The following ZNF385D variants were observed in gnomAD, a reference collection of about 807,000 sequenced individuals.
ZNF385D encodes zinc finger protein 385D.
A neutral mutation model predicts 35.8 loss-of-function variants in ZNF385D; 15 were observed. The ratio of observed to expected loss-of-function variants is 0.42; its 90% confidence interval spans 0.28 to 0.64. The LOEUF is 0.64. ZNF385D is among the 30% of genes least tolerant of loss of function. ZNF385D has a pLI of 0.23. For synonymous variants in ZNF385D, 212 were observed against 186.8 expected, an observed-to-expected ratio of 1.13 and a Z score of -1.10; for missense variants, 474 against 494.6, an observed-to-expected ratio of 0.96 and a Z score of 0.39.
At chr3:22,077,745 A>G (rs1700538330) in intron 3 of ZNF385D, among the ~76,000 whole-genome samples, 1 of 152,002 alleles carries the variant, frequency 6.6e-6, no homozygotes, top group Non-Finnish European at 1.5e-5. Flanking sequence ...CATAATTTCT[A>G]CCTTAGAAGC....
chr3:21,668,581 C>T (rs1305210973), intron 1 of ZNF385D, among the ~76,000 whole-genome samples: 2 of 152,168 alleles, frequency 1.3e-5, no homozygotes, highest in African/African-American at 4.8e-5. Flanking sequence ...AAAATAGATG[C>T]TTGCCTCCAA....
At chr3:21,864,990 CT>C (rs3073906) in intron 3 of ZNF385D, among the ~76,000 whole-genome samples, 9 of 112,156 alleles carry the variant, frequency 8.0e-5, no homozygotes, top group Admixed American at 2.1e-4. Context: ...TGGAACAATG[CT>C]TTTTTTTTTT....
intron 3 of ZNF385D, among the ~76,000 whole-genome samples, chr3:21,859,982 A>G (rs1696959570): frequency 6.6e-6 from 1 of 152,028 alleles, no homozygotes; most frequent in African/African-American, 2.4e-5. Flanking sequence ...TTTGACTTGA[A>G]AAGTATCAGA....
chr3:21,670,199 A>G (rs1459375002), intron 1 of ZNF385D, among the ~76,000 whole-genome samples: 1 of 152,052 alleles, frequency 6.6e-6, no homozygotes, highest in East Asian at 1.9e-4. Context: ...TTTCTATAGT[A>G]TCTTTAGTAT....
intron 2 of ZNF385D, among the ~76,000 whole-genome samples, chr3:22,202,952 T>A (rs180798311): frequency 1.3e-5 from 2 of 152,204 alleles, no homozygotes; most frequent in East Asian, 3.9e-4. Context: ...AATCTTGAAA[T>A]GCAATCTAAG....
chr3:22,370,066 C>A (rs1233257975), intron 2 of ZNF385D, among the ~76,000 whole-genome samples: 1 of 152,040 alleles, frequency 6.6e-6, no homozygotes, highest in Non-Finnish European at 1.5e-5. Context: ...TTTGATGCAC[C>A]TGGTAAATAG....
chr3:22,214,151 T>A (rs1350085858), intron 2 of ZNF385D, among the ~76,000 whole-genome samples: 3 of 152,082 alleles, frequency 2.0e-5, no homozygotes, highest in Non-Finnish European at 4.4e-5. Context: ...GTTCCTTAAA[T>A]TAATACTTTT....
At chr3:21,518,605 T>C (rs1438628821) in intron 3 of ZNF385D, among the ~76,000 whole-genome samples, 8 of 152,206 alleles carry the variant, frequency 5.3e-5, no homozygotes, top group Admixed American at 3.3e-4. Context: ...ATCCACTGTT[T>C]TATTTGCATT....
intron 3 of ZNF385D, among the ~76,000 whole-genome samples, chr3:22,119,857 T>C (rs1252268476): frequency 2.0e-5 from 3 of 152,106 alleles, no homozygotes; most frequent in Non-Finnish European, 4.4e-5. Flanking sequence ...TTTAATTTTT[T>C]CATTTTTTGA....
chr3:21,789,354 G>A (rs2071827228), intron 3 of ZNF385D, among the ~76,000 whole-genome samples: 1 of 152,172 alleles, frequency 6.6e-6, no homozygotes, highest in African/African-American at 2.4e-5. Flanking sequence ...GAAATATATA[G>A]GAGAATTCAA....
chr3:21,947,207 A>C (rs1446525870), intron 3 of ZNF385D, among the ~76,000 whole-genome samples: 1 of 152,200 alleles, frequency 6.6e-6, no homozygotes, highest in East Asian at 1.9e-4. Flanking sequence ...CACAGCATCA[A>C]ACTTATAAAT....
At chr3:22,232,351 C>G (rs115103606) in intron 2 of ZNF385D, among the ~76,000 whole-genome samples, 2,058 of 148,392 alleles carry the variant, frequency 0.014, 27 homozygotes, top group African/African-American at 0.031. Flanking sequence ...CCTACTTGAA[C>G]TTTGTATTTT....
chr3:21,737,812 C>T (rs1440483387), intron 1 of ZNF385D, among the ~76,000 whole-genome samples: 1 of 152,076 alleles, frequency 6.6e-6, no homozygotes, highest in African/African-American at 2.4e-5. Context: ...CTGATGTGCC[C>T]AGGAAGAAGA....
intron 2 of ZNF385D, among the ~76,000 whole-genome samples, chr3:22,202,176 A>G (rs1249742032): frequency 6.6e-6 from 1 of 152,074 alleles, no homozygotes; most frequent in African/African-American, 2.4e-5. Flanking sequence ...ATCTTACTGC[A>G]GTGATATAAA....
chr3:21,789,847 C>T (rs557293710), intron 3 of ZNF385D, among the ~76,000 whole-genome samples: 2 of 152,278 alleles, frequency 1.3e-5, no homozygotes, highest in Admixed American at 1.3e-4. Context: ...ATTCTACAAC[C>T]TTTGTGTATG....
In ZNF385D at chr3:21,936,593, G is replaced by C. The variant is rs189376370; in HGVS notation, c.325+232224C>G. The stretch of plus-strand genomic sequence containing the variant: ...TTATATACTCATTTATTATAGGTTT[G>C]ATTGTTAAATGTTTCCTCTACTAGA... On this transcript the variant is annotated intron_variant, in intron 3 of 5. Coordinates refer to the ZNF385D transcript ENST00000494108. 1.1e-4 allele frequency among the ~76,000 whole-genome samples: 16 copies of C among 152,006 alleles called. No homozygotes were observed. The East Asian group carries it at 2.5e-3, about 24-fold the overall frequency.
intron 3 of ZNF385D, among the ~76,000 whole-genome samples, chr3:22,102,721 T>C (rs1576323746): frequency 6.6e-6 from 1 of 152,136 alleles, no homozygotes; most frequent in African/African-American, 2.4e-5. Context: ...TTTTAACTGA[T>C]CTTCAATATC....
chr3:21,820,814 C>A (rs2073364913), intron 3 of ZNF385D, among the ~76,000 whole-genome samples: 1 of 148,472 alleles, frequency 6.7e-6, no homozygotes, highest in South Asian at 2.2e-4. Context: ...TTGTGTGTGT[C>A]AAGAAAATAA....
intron 2 of ZNF385D, among the ~76,000 whole-genome samples, chr3:22,244,233 T>C (rs1252074533): frequency 6.6e-6 from 1 of 150,462 alleles, no homozygotes; most frequent in African/African-American, 2.5e-5. Flanking sequence ...TTTGCCACAA[T>C]ATGTTGTTTT....
Sources: allele counts gnomAD v4.1 joint callset (sites outside exome capture counted in the v4.1 genomes callset), GRCh38; gene constraint gnomAD v4.1.1; transcripts MANE v1.5; gene names NCBI Gene and HGNC (gene_info 2026-07-23, HGNC 2026-07-21).